The following FBLN2 variants were observed in gnomAD, a reference collection of about 807,000 sequenced individuals.
FBLN2 encodes the protein fibulin-2.
In FBLN2, 81 loss-of-function variants were observed where a neutral mutation model predicts 123.7. The ratio of observed to expected loss-of-function variants is 0.65; its 90% confidence interval spans 0.55 to 0.79. The LOEUF is 0.79. Among genes scored for constraint, FBLN2 ranks in the 30% least tolerant of loss-of-function variants. FBLN2 has a pLI of 0.00. For missense variants in FBLN2, 1,603 were observed against 1,681.3 expected (o/e 0.95, Z 0.81); for synonymous variants, 699 against 701.4 (o/e 1.00, Z 0.05).
At chr3:13,630,359 G>T (rs1003395026) in intron 14 of FBLN2, among the ~76,000 whole-genome samples, 1 of 152,264 alleles carries the variant, frequency 6.6e-6, no homozygotes, top group Non-Finnish European at 1.5e-5. Flanking sequence ...GTGGGGACTG[G>T]TGTGGAGTAA....
intron 1 of FBLN2, among the ~76,000 whole-genome samples, chr3:13,554,650 C>G (rs1318605020): frequency 7.0e-6 from 1 of 142,366 alleles, no homozygotes; most frequent in African/African-American, 2.6e-5. Context: ...TCCCTCATCT[C>G]TGCTCCCCTG....
At chr3:13,618,870 C>T (rs375867735) in intron 6 of FBLN2, 34 bp from the exon 7 acceptor site, 7 of 1,555,298 alleles carry the variant, frequency 4.5e-6, no homozygotes, top group Non-Finnish European at 6.2e-6. Flanking sequence ...CCTGAGACCT[C>T]CCTGCAACCC....
intron 1 of FBLN2, 126 bp from the exon 2 acceptor site, chr3:13,570,189 C>T: frequency 9.9e-7 from 1 of 1,011,632 alleles, no homozygotes; most frequent in Non-Finnish European, 1.4e-6. Context: ...GCTTAGTGTG[C>T]TCCTGGGGAT....
Position 13,571,408 on chromosome 3 carries a change from T to A in FBLN2, c.1053T>A (p.Thr351=). ...ILDAQATSRS[T]GPEGVTHAPS... is the part of the protein sequence containing the mutation. ...ATGCCCAAGCCACGTCCCGCAGCAC[T>A]GGGCCGGAGGGCGTGACGCATGCAC... Residue 351 remains threonine (T), a synonymous_variant, in exon 2 of 18, where the codon ACT becomes ACA. Transcript: ENST00000404922. 1 of 1,613,094 alleles carries A rather than the reference T, an allele frequency of 6.2e-7. No individual in the cohort carries two copies. Among genetic ancestry groups the A allele is most frequent in the South Asian group, 1.1e-5 (1 of 90,820 alleles).
In FBLN2 at chr3:13,607,969, C is replaced by T; in HGVS notation, c.1307-93C>T. 4.3e-6 allele frequency: 4 copies of T among 927,658 alleles called. No homozygotes were observed. The South Asian group carries it at 6.2e-5, about 14-fold the overall frequency. 57.5% of individuals were successfully genotyped at this position (927,658 alleles called of 1,614,324 possible). Reference sequence around the variant, plus strand: ...CAGCAGCAGGGGTGGATGAGTTTGCCTGCCCAGTAAAGGAGACCTGGACAG... The same window carrying T: ...CAGCAGCAGGGGTGGATGAGTTTGCTTGCCCAGTAAAGGAGACCTGGACAG... On this transcript the variant is annotated intron_variant, in intron 2 of 17. Coordinates refer to ENST00000404922, the MANE Select transcript of FBLN2 (RefSeq NM_001004019.2).
rs1705134243 is a variant in FBLN2 at position 13,604,285 on chromosome 3, G to GT, written c.1307-3773dup. On this transcript the variant is annotated intron_variant, in intron 2 of 17. Coordinates refer to ENST00000404922, the MANE Select transcript of FBLN2 (RefSeq NM_001004019.2). ...GGCTTTTGTTACCCTTGCTTTTGGT[G>GT]TTTTAGACATGAAGTCCTTGCCCAT... Among the ~76,000 whole-genome samples, 4 of 152,294 alleles carry GT rather than the reference G, an allele frequency of 2.6e-5. No homozygotes were observed. In the South Asian group the frequency reaches 8.3e-4, roughly 32 times the overall value.
At position 13,629,843 on chromosome 3, in the gene FBLN2, C is replaced by T. The variant is rs1342327019; in HGVS notation, c.2866C>T (p.Pro956Ser). The change falls in exon 14 of 18, where the codon CCA (proline) becomes TCA (serine). Residue 956 changes from proline (P) to serine (S), a missense_variant. Coordinates refer to ENST00000404922, the MANE Select transcript of FBLN2 (RefSeq NM_001004019.2). ...AGACGTGAATGAGTGCTGGGCCTCG[C>T]CAGGCCGCCTGTGCCAGCACACGTG... ...CIDVNECWAS[P>S]GRLCQHTCEN... is the part of the protein sequence containing the mutation. 1.9e-6 allele frequency: 3 copies of T among 1,581,978 alleles called. No homozygotes were observed. Among genetic ancestry groups the T allele is most frequent in the Non-Finnish European group, 2.6e-6 (3 of 1,164,648 alleles).
At chr3:13,627,701 G>A (rs1198674655) in intron 10 of FBLN2, 131 bp from the exon 11 acceptor site, 1 of 1,218,236 alleles carries the variant, frequency 8.2e-7, no homozygotes, top group Admixed American at 2.9e-5. Context: ...ATGTGGCTGT[G>A]CCAGCTTCCC....
At chr3:13,620,007 C>T (rs1358463550) in intron 8 of FBLN2, among the ~76,000 whole-genome samples, 176 bp downstream of exon 8, 1 of 152,160 alleles carries the variant, frequency 6.6e-6, no homozygotes, top group Admixed American at 6.5e-5. Context: ...TCTCACCGTA[C>T]GTGCGGTGTA....
chr3:13,627,086 C>T (rs1040157684), intron 10 of FBLN2, among the ~76,000 whole-genome samples: 1 of 151,916 alleles, frequency 6.6e-6, no homozygotes, highest in Non-Finnish European at 1.5e-5. Context: ...GTTGGGGCAG[C>T]GGGGTCCACA....
intron 14 of FBLN2, 109 bp from the exon 15 acceptor site, chr3:13,630,590 C>A: frequency 1.1e-6 from 1 of 894,066 alleles, no homozygotes; most frequent in Non-Finnish European, 1.7e-6. Context: ...ATAGGTCAAC[C>A]CCAGTCCAGG....
intron 1 of FBLN2, among the ~76,000 whole-genome samples, chr3:13,552,698 G>A (rs1703357405): frequency 6.6e-6 from 1 of 152,050 alleles, no homozygotes; most frequent in Non-Finnish European, 1.5e-5. Flanking sequence ...ACCTCGGGAG[G>A]GCTGGGAGCT....
intron 7 of FBLN2, among the ~76,000 whole-genome samples, chr3:13,619,408 C>T (rs1212776614): frequency 3.3e-5 from 5 of 152,200 alleles, no homozygotes; most frequent in Non-Finnish European, 7.3e-5. Context: ...TTCCCTGCCC[C>T]CTTCCCTTTC....
intron 2 of FBLN2, among the ~76,000 whole-genome samples, chr3:13,598,091 G>T (rs1704905216): frequency 6.6e-6 from 1 of 152,230 alleles, no homozygotes; most frequent in African/African-American, 2.4e-5. Flanking sequence ...GGAAAGAGGA[G>T]GCAGGGTAGG....
chr3:13,619,859 TG>T, intron 8 of FBLN2, 28 bp downstream of exon 8: 1 of 1,572,020 alleles, frequency 6.4e-7, no homozygotes, highest in Non-Finnish European at 8.6e-7. Context: ...CCCTCCTACC[TG>T]TGCAAACCTG....
chr3:13,638,174 G>A lies in FBLN2; in HGVS notation c.*255G>A. 1.6e-6 allele frequency: 1 copy of A among 642,132 alleles called. No individual in the cohort carries two copies. Among genetic ancestry groups the A allele is most frequent in the Non-Finnish European group, 2.8e-6 (1 of 357,484 alleles). The allele number at this position is 642,132 out of a possible 1,614,324, so 39.8% of individuals were successfully genotyped here. On this transcript the variant is annotated 3_prime_UTR_variant, in exon 18 of 18. Coordinates refer to ENST00000404922, the MANE Select transcript of FBLN2 (RefSeq NM_001004019.2). ...CCGTGGCGGGTGCCCTGTGGGTGAGGCTGGGTGATGACCTGAGGACCAGAG... is the reference window on the plus strand; with the variant it reads ...CCGTGGCGGGTGCCCTGTGGGTGAGACTGGGTGATGACCTGAGGACCAGAG...
Position 13,570,441 on chromosome 3 carries a change from C to T in FBLN2, c.86C>T (p.Pro29Leu). 1 of 1,572,844 alleles carries T rather than the reference C, an allele frequency of 6.4e-7. No homozygotes were observed. The highest frequency in any genetic ancestry group is 8.6e-7 in the Non-Finnish European group (1 of 1,160,468). Residue 29 changes from proline (P) to leucine (L), a missense_variant, in exon 2 of 18, where the codon CCT becomes CTT. By Grantham distance (98) the Pro-to-Leu change is moderately conservative (BLOSUM62 -3). Coordinates refer to ENST00000404922, the MANE Select transcript of FBLN2 (RefSeq NM_001004019.2). ...ALGPSVAAAA[P>L]RQDCTGVECP... ...GGCCCCAGCGTGGCCGCAGCTGCCC[C>T]TCGGCAGGACTGCACGGGCGTGGAG...
chr3:13,582,612 A>C (rs2124842929), intron 2 of FBLN2, among the ~76,000 whole-genome samples: 1 of 152,156 alleles, frequency 6.6e-6, no homozygotes, highest in South Asian at 2.1e-4. Context: ...GCCCTCAGAG[A>C]GTGAATTCCT....
intron 2 of FBLN2, among the ~76,000 whole-genome samples, chr3:13,602,645 A>G (rs1026036920): frequency 3.3e-5 from 5 of 152,152 alleles, no homozygotes; most frequent in Non-Finnish European, 7.4e-5. Flanking sequence ...ATTTATTTCT[A>G]GGTTTGTTTC....
Sources: gnomAD v4.1 joint callset for allele counts (sites outside exome capture counted in the v4.1 genomes callset) on GRCh38, gnomAD v4.1.1 for gene constraint, MANE v1.5 for transcripts, NCBI Gene and HGNC (gene_info 2026-07-23, HGNC 2026-07-21) for gene names.